MCTP1: variants seen among roughly 807,000 people sequenced by gnomAD.
MCTP1 encodes multiple C2 and transmembrane domain containing 1.
MCTP1 carries 69 observed loss-of-function variants against 120.6 expected under a neutral mutation model. The observed-to-expected ratio is 0.57, with a 90% CI of 0.47 to 0.70. The LOEUF (loss-of-function observed/expected upper bound fraction) is 0.70. Ranked by LOEUF, MCTP1 falls within the 30% of genes least tolerant of loss-of-function variation. The pLI is 0.00. For missense variants in MCTP1, 1,203 were observed against 1,248.8 expected (o/e 0.96, Z 0.55); for synonymous variants, 529 against 493.1 (o/e 1.07, Z -0.96).
At chr5:95,217,712 C>G (rs559419404) in intron 1 of MCTP1, among the ~76,000 whole-genome samples, 1 of 152,206 alleles carries the variant, frequency 6.6e-6, no homozygotes, top group Non-Finnish European at 1.5e-5. Flanking sequence ...CCTAAAAAAG[C>G]ACTTACTAAT....
At chr5:94,736,325 TG>T (rs1449445356) in intron 19 of MCTP1, among the ~76,000 whole-genome samples, 3 of 151,866 alleles carry the variant, frequency 2.0e-5, no homozygotes, top group Non-Finnish European at 4.4e-5. Context: ...CCTGTCTGTA[TG>T]AAAAAAAACT....
intron 2 of MCTP1, among the ~76,000 whole-genome samples, chr5:95,009,914 T>C (rs1224921051): frequency 1.3e-5 from 2 of 152,178 alleles, no homozygotes; most frequent in African/African-American, 2.4e-5. Flanking sequence ...TGGGCAGCTC[T>C]GGCTGCTGAG....
chr5:94,902,377 C>G (rs1805763803), intron 10 of MCTP1, among the ~76,000 whole-genome samples: 2 of 152,098 alleles, frequency 1.3e-5, no homozygotes, highest in African/African-American at 4.8e-5. Flanking sequence ...TATATCTGCT[C>G]TCTTTAATAT....
intron 1 of MCTP1, among the ~76,000 whole-genome samples, chr5:95,184,674 T>C (rs574429233): frequency 1.3e-3 from 201 of 152,262 alleles, no homozygotes; most frequent in Non-Finnish European, 2.2e-3. Context: ...AATTACAGTT[T>C]AGGGGTCATG....
At chr5:95,146,031 T>C (rs2152449525) in intron 1 of MCTP1, among the ~76,000 whole-genome samples, 2 of 151,798 alleles carry the variant, frequency 1.3e-5, no homozygotes, top group South Asian at 4.2e-4. Context: ...GCTTTTTTCT[T>C]TTTTTTTAAT....
chr5:95,053,623 A>G (rs183257568), intron 1 of MCTP1, among the ~76,000 whole-genome samples: 18 of 152,330 alleles, frequency 1.2e-4, no homozygotes, highest in Admixed American at 1.2e-3. Flanking sequence ...GAAAATGAGG[A>G]AAGGAGAAAC....
At chr5:94,824,260 T>C (rs1786409694) in intron 17 of MCTP1, among the ~76,000 whole-genome samples, 1 of 152,220 alleles carries the variant, frequency 6.6e-6, no homozygotes, top group Admixed American at 6.5e-5. Flanking sequence ...TGAAGGGGTG[T>C]TGAATTTTAT....
At chr5:94,858,700 C>T (rs1161601183) in intron 17 of MCTP1, among the ~76,000 whole-genome samples, 1 of 151,730 alleles carries the variant, frequency 6.6e-6, no homozygotes, top group Non-Finnish European at 1.5e-5. Flanking sequence ...CCTCTTAACA[C>T]TTCAGTCTCC....
intron 1 of MCTP1, among the ~76,000 whole-genome samples, chr5:95,219,136 C>T (rs983576420): frequency 1.3e-5 from 2 of 152,120 alleles, no homozygotes; most frequent in Non-Finnish European, 2.9e-5. Context: ...AATCCCAGCA[C>T]TTTAGGAGGC....
rs17083961 is a variant in MCTP1 at position 94,715,709 on chromosome 5, C to T, written c.2611-823G>A. Among the ~76,000 whole-genome samples, 797 of 152,232 alleles carry T rather than the reference C, an allele frequency of 5.2e-3. 10 individuals are homozygous for T. The highest frequency in any genetic ancestry group is 0.018 in the African/African-American group (752 of 41,526). On this transcript the variant is annotated intron_variant, in intron 19 of 22. Coordinates refer to ENST00000515393, the MANE Select transcript of MCTP1 (RefSeq NM_024717.7). ...ACCCAAAGGAAGAAACAGTGGTGGC[C>T]TTTCACAATTGAAAATTCTGCTTAG...
chr5:94,804,451 T>C (rs1781855801), intron 17 of MCTP1, among the ~76,000 whole-genome samples: 1 of 152,024 alleles, frequency 6.6e-6, no homozygotes, highest in South Asian at 2.1e-4. Context: ...TTTTCTTTTC[T>C]TTTTTTTGAG....
chr5:95,094,226 T>A (rs1285706419), intron 1 of MCTP1, among the ~76,000 whole-genome samples: 1 of 152,218 alleles, frequency 6.6e-6, no homozygotes, highest in Non-Finnish European at 1.5e-5. Context: ...CCTACTGTCT[T>A]CTATTTCTCC....
intron 1 of MCTP1, among the ~76,000 whole-genome samples, chr5:95,131,074 C>T (rs1759006448): frequency 6.6e-6 from 1 of 152,146 alleles, no homozygotes; most frequent in Non-Finnish European, 1.5e-5. Flanking sequence ...CTGCTAGTGG[C>T]CAATGTCGCT....
intron 1 of MCTP1, among the ~76,000 whole-genome samples, chr5:95,132,731 G>A (rs553341744): frequency 3.9e-5 from 6 of 152,262 alleles, no homozygotes; most frequent in South Asian, 4.1e-4. Flanking sequence ...TCATTTCCTC[G>A]GGGCAGCCTT....
chr5:94,972,662 A>G (rs775794417), intron 2 of MCTP1, among the ~76,000 whole-genome samples: 1 of 152,146 alleles, frequency 6.6e-6, no homozygotes, highest in Non-Finnish European at 1.5e-5. Context: ...ATTATCAGAA[A>G]AGTTGGGTCT....
chr5:94,926,310 C>T (rs1813108191), intron 6 of MCTP1, among the ~76,000 whole-genome samples: 1 of 152,092 alleles, frequency 6.6e-6, no homozygotes, highest in Non-Finnish European at 1.5e-5. Flanking sequence ...GCTAGTATTC[C>T]TGATTACAAA....
Position 95,283,939 on chromosome 5 carries a change from G to C in MCTP1, c.637C>G (p.Pro213Ala). 7.1e-7 allele frequency: 1 copy of C among 1,404,342 alleles called. No homozygotes were observed. Among genetic ancestry groups the C allele is most frequent in the Non-Finnish European group, 9.2e-7 (1 of 1,086,246 alleles). The allele number at this position is 1,404,342 out of a possible 1,614,324, so 87.0% of individuals were successfully genotyped here. ...GTACLEQLLE[P>A]PPPPAEPARS... ...GCCGGCTCTGCGGGAGGAGGCGGCGGCTCCAGCAGCTGCTCCAGGCAGGCG... is the reference window on the plus strand; with the variant it reads ...GCCGGCTCTGCGGGAGGAGGCGGCGCCTCCAGCAGCTGCTCCAGGCAGGCG... Residue 213 changes from proline (P) to alanine (A), a missense_variant, in exon 1 of 23, where the codon CCG (proline) becomes GCG (alanine). This residue lies in a region of MCTP1 where 463 missense variants were observed against 377.8 expected (regional missense o/e 1.23). Coordinates refer to ENST00000515393, the MANE Select transcript of MCTP1 (RefSeq NM_024717.7).
chr5:94,954,701 C>T (rs1355772347), intron 2 of MCTP1, among the ~76,000 whole-genome samples: 3 of 152,174 alleles, frequency 2.0e-5, no homozygotes, highest in Non-Finnish European at 4.4e-5. Context: ...ATAGTTTTAA[C>T]AGCATATATA....
At chr5:94,907,413 GC>G (rs1474540041) in intron 10 of MCTP1, among the ~76,000 whole-genome samples, 2 of 152,094 alleles carry the variant, frequency 1.3e-5, no homozygotes, top group African/African-American at 4.8e-5. Flanking sequence ...CTATACCTGT[GC>G]TCATTTCACT....
Sources: gnomAD v4.1 joint callset for allele counts (sites outside exome capture counted in the v4.1 genomes callset) on GRCh38, gnomAD v4.1.1 for gene constraint, gnomAD v4.1.1 regional missense constraint, MANE v1.5 for transcripts, NCBI Gene and HGNC (gene_info 2026-07-23, HGNC 2026-07-21) for gene names.